MYO1H: variants seen among roughly 807,000 people sequenced by gnomAD.
MYO1H encodes the protein myosin IH, also known as unconventional myosin-Ih.
A neutral mutation model predicts 149.3 loss-of-function variants in MYO1H; 118 were observed. The ratio of observed to expected loss-of-function variants is 0.79; its 90% confidence interval spans 0.68 to 0.92. The LOEUF (loss-of-function observed/expected upper bound fraction) is 0.92, where lower values mean the gene tolerates loss of function less well. Among genes scored for constraint, MYO1H ranks in the 40% least tolerant of loss-of-function variants. The pLI is 0.00. For missense variants in MYO1H, 1,212 were observed against 1,280.7 expected (o/e 0.95, Z 0.82); for synonymous variants, 447 against 465.2 (o/e 0.96, Z 0.50).
the MYO1H span, among the ~76,000 whole-genome samples, chr12:109,336,171 T>G: frequency 6.6e-6 from 1 of 152,160 alleles, no homozygotes; most frequent in South Asian, 2.1e-4. Flanking sequence ...TTGCTGTCCC[T>G]TGATGTTGTC....
At position 109,375,188 on chromosome 12, in the gene MYO1H, T is replaced by C. The variant is rs113205533; in HGVS notation, c.13-13495T>C. The stretch of plus-strand genomic sequence containing the variant: ...TTTTTTTTTTGACAAGGTCTGGCTC[T>C]ATTGCCCAGGCTGGAGTGCAGTGGC... On this transcript the variant is annotated intron_variant, in intron 1 of 31. Transcript: ENST00000310903. Among the ~76,000 whole-genome samples, 744 of 146,644 alleles carry C rather than the reference T, an allele frequency of 5.1e-3. 4 individuals are homozygous for C. The highest frequency in any genetic ancestry group is 8.7e-3 in the Non-Finnish European group (583 of 66,864).
At chr12:109,394,928 A>C (rs1230790148) in intron 3 of MYO1H, among the ~76,000 whole-genome samples, 1 of 152,042 alleles carries the variant, frequency 6.6e-6, no homozygotes, top group Non-Finnish European at 1.5e-5. Context: ...ACCCTGGCTA[A>C]TTTTTGTAAT....
At chr12:109,317,192 A>G in the MYO1H span, among the ~76,000 whole-genome samples, 1 of 152,232 alleles carries the variant, frequency 6.6e-6, no homozygotes, top group Non-Finnish European at 1.5e-5. Flanking sequence ...AAACTCCATG[A>G]CATGCTTGAT....
chr12:109,433,290 G>A (rs1264030508), intron 20 of MYO1H, among the ~76,000 whole-genome samples: 1 of 152,142 alleles, frequency 6.6e-6, no homozygotes, highest in Non-Finnish European at 1.5e-5. Context: ...GGAACCAGAG[G>A]GGGCACCTAA....
the MYO1H span, among the ~76,000 whole-genome samples, chr12:109,324,698 CTTTTCTTTTTT>C: frequency 2.7e-5 from 4 of 149,226 alleles, no homozygotes; most frequent in Non-Finnish European, 5.9e-5. Flanking sequence ...TTTTCTTTTT[CTTTTCTTTTTT>C]TTTTTAAATT....
intron 5 of MYO1H, among the ~76,000 whole-genome samples, chr12:109,399,636 G>T (rs980088165): frequency 6.6e-6 from 1 of 151,188 alleles, no homozygotes; most frequent in Non-Finnish European, 1.5e-5. Flanking sequence ...TGAAGGCCAG[G>T]CATGGTGACT....
At chr12:109,411,928 A>T (rs1319696090) in exon 14 of MYO1H, 1 of 1,607,296 alleles carries the variant, frequency 6.2e-7, no homozygotes, top group Non-Finnish European at 8.5e-7. Context: ...CCTGCTACAG[A>T]CTTGAGTTTC....
exon 32 of MYO1H, chr12:109,447,282 T>A: frequency 9.5e-7 from 1 of 1,050,330 alleles, no homozygotes; most frequent in Non-Finnish European, 1.5e-6. Flanking sequence ...CTCTTCAAGG[T>A]ACCAGGCCCG....
At chr12:109,334,030 T>C in the MYO1H span, among the ~76,000 whole-genome samples, 1 of 152,350 alleles carries the variant, frequency 6.6e-6, no homozygotes, top group African/African-American at 2.4e-5. Flanking sequence ...GTTTACTTTT[T>C]TTTTGAGACA....
At chr12:109,381,261 G>C (rs1041538323) in intron 1 of MYO1H, among the ~76,000 whole-genome samples, 1 of 152,022 alleles carries the variant, frequency 6.6e-6, no homozygotes, top group Admixed American at 6.6e-5. Context: ...AGAAGGACTC[G>C]AATCACTCAG....
the MYO1H span, among the ~76,000 whole-genome samples, chr12:109,325,644 C>T: frequency 1.3e-5 from 2 of 152,114 alleles, no homozygotes; most frequent in South Asian, 4.1e-4. Context: ...AAACAGGCAA[C>T]CTACAGAATG....
chr12:109,338,747 C>CA, the MYO1H span, among the ~76,000 whole-genome samples: 1 of 118,772 alleles, frequency 8.4e-6, no homozygotes, highest in Non-Finnish European at 1.6e-5. Flanking sequence ...GCCTGGGTGA[C>CA]AGAGCAAGAC....
chr12:109,433,058 G>A, intron 20 of MYO1H, 48 bp downstream of exon 20: 1 of 1,493,224 alleles, frequency 6.7e-7, no homozygotes, highest in Non-Finnish European at 9.3e-7. Flanking sequence ...TGACATCAAA[G>A]GGTTTTGTGC....
At chr12:109,342,842 C>A in the MYO1H span, among the ~76,000 whole-genome samples, 1 of 151,928 alleles carries the variant, frequency 6.6e-6, no homozygotes, top group African/African-American at 2.4e-5. Flanking sequence ...TGTACCTGGC[C>A]CAGAGATAAT....
chr12:109,430,666 T>A (rs1871571988), intron 19 of MYO1H, among the ~76,000 whole-genome samples: 1 of 152,214 alleles, frequency 6.6e-6, no homozygotes, highest in South Asian at 2.1e-4. Context: ...TGGTAGCTCA[T>A]GCCTGTAATC....
chr12:109,326,372 A>G, the MYO1H span, among the ~76,000 whole-genome samples: 6 of 152,058 alleles, frequency 3.9e-5, no homozygotes, highest in Non-Finnish European at 8.8e-5. Flanking sequence ...CCATTCCTCC[A>G]CATGGGGGAT....
chr12:109,399,527 G>T (rs1870066325), intron 5 of MYO1H, among the ~76,000 whole-genome samples: 1 of 149,986 alleles, frequency 6.7e-6, no homozygotes, highest in African/African-American at 2.5e-5. Flanking sequence ...GGGAGGCAGA[G>T]GTTGCAGTGA....
At chr12:109,311,337 T>C in the MYO1H span, among the ~76,000 whole-genome samples, 4 of 152,136 alleles carry the variant, frequency 2.6e-5, no homozygotes, top group African/African-American at 9.7e-5. Flanking sequence ...AATTAAAAAA[T>C]TGAGATTTTT....
intron 2 of MYO1H, 137 bp from the exon 3 acceptor site, chr12:109,393,194 A>G (rs776134023): frequency 1.6e-6 from 1 of 626,432 alleles, no homozygotes; most frequent in African/African-American, 1.8e-5. Flanking sequence ...TACACCTGCC[A>G]TGTAAGCTCC....
Sources: gnomAD v4.1 joint callset for allele counts (sites outside exome capture counted in the v4.1 genomes callset) on GRCh38, gnomAD v4.1.1 for gene constraint, MANE v1.5 for transcripts, NCBI Gene and HGNC (gene_info 2026-07-23, HGNC 2026-07-21) for gene names.